The following MTUS2 variants were observed in gnomAD, a reference collection of about 807,000 sequenced individuals.
MTUS2 encodes microtubule associated scaffold protein 2.
In MTUS2, 40 loss-of-function variants were observed where a neutral mutation model predicts 114.1. The ratio of observed to expected loss-of-function variants is 0.35; its 90% CI spans 0.27 to 0.46. MTUS2 has a LOEUF of 0.46. Among genes scored for constraint, MTUS2 ranks in the 20% least tolerant of loss-of-function variants. MTUS2 has a pLI of 1.00. For missense variants in MTUS2, 1,679 were observed against 1,705.4 expected (o/e 0.98, Z 0.27); for synonymous variants, 688 against 672.0 (o/e 1.02, Z -0.37).
chr13:29,343,840 A>C (rs183962404), intron 7 of MTUS2, among the ~76,000 whole-genome samples: 1 of 152,046 alleles, frequency 6.6e-6, no homozygotes, highest in African/African-American at 2.4e-5. Context: ...CAAAGGTTTT[A>C]ATAAGTTGTA....
chr13:29,450,555 C>T (rs939243468), intron 9 of MTUS2, among the ~76,000 whole-genome samples: 8 of 152,076 alleles, frequency 5.3e-5, no homozygotes, highest in Admixed American at 2.0e-4. Context: ...GAAAAAATAA[C>T]GAACCTTGGG....
intron 1 of MTUS2, among the ~76,000 whole-genome samples, chr13:28,834,784 T>C (rs1399327476): frequency 6.6e-6 from 1 of 152,128 alleles, no homozygotes; most frequent in Non-Finnish European, 1.5e-5. Flanking sequence ...CTAATAAGGA[T>C]CTTGTATCCA....
chr13:29,483,781 G>T (rs1052495915), intron 10 of MTUS2: 1 of 152,222 alleles, frequency 6.6e-6, no homozygotes, highest in African/African-American at 2.4e-5. Flanking sequence ...CTCTCCTTCT[G>T]TAGCAAGCTG....
At position 29,157,355 on chromosome 13, in the gene MTUS2, C is replaced by A. The variant is rs941407434; in HGVS notation, c.2644+56385C>A. Among the ~76,000 whole-genome samples the A allele has an allele frequency of 8.5e-5, 13 of 152,214 alleles. 1 individual carries two copies. The highest frequency in any genetic ancestry group is 6.5e-4 in the Admixed American group (10 of 15,278). On this transcript the variant is annotated intron_variant, in intron 5 of 15. Transcript: ENST00000612955. ...GTGTGTAAGAGTCCCCAATTCTCCA[C>A]ATACTCACCAGCCCTTGGTGTTTTT... is the stretch of plus-strand genomic sequence containing the variant.
intron 5 of MTUS2, among the ~76,000 whole-genome samples, chr13:29,180,876 C>G (rs1335853450): frequency 6.6e-6 from 1 of 152,172 alleles, no homozygotes; most frequent in African/African-American, 2.4e-5. Context: ...TAATTTTCCA[C>G]AAATTGTATT....
chr13:28,890,105 C>T (rs938470468), intron 2 of MTUS2, among the ~76,000 whole-genome samples: 3 of 152,118 alleles, frequency 2.0e-5, no homozygotes, highest in Non-Finnish European at 2.9e-5. Flanking sequence ...TGTAGCTTCA[C>T]TTGTGATGGT....
intron 2 of MTUS2, among the ~76,000 whole-genome samples, chr13:28,987,024 AATT>A (rs754935990): frequency 5.9e-5 from 9 of 152,174 alleles, no homozygotes; most frequent in Admixed American, 2.0e-4. Context: ...TTGGAGTGGG[AATT>A]ATTATCCCCA....
In MTUS2 at chr13:29,100,721, A is replaced by T. The variant is rs1209865529; in HGVS notation, c.2447-52A>T. 3.3e-6 allele frequency: 5 copies of T among 1,520,134 alleles called. No homozygotes were observed. The East Asian group carries it at 1.2e-4, about 37-fold the overall frequency. The allele number at this position is 1,520,134 out of a possible 1,614,324, so 94.2% of individuals were successfully genotyped here. A position where few individuals can be genotyped will look rare whatever the true frequency, so the allele number is the denominator to read the frequency against. ...GAATTCATAATCTGTAGAATTCATT[A>T]TCTCATTATGAACTGAGAATAATTT... On this transcript the variant is annotated intron_variant, in intron 4 of 15. Coordinates refer to ENST00000612955, the MANE Select transcript of MTUS2 (RefSeq NM_001033602.4).
chr13:29,029,071 C>A (rs1381784460), intron 3 of MTUS2, among the ~76,000 whole-genome samples: 1 of 152,214 alleles, frequency 6.6e-6, no homozygotes, highest in African/African-American at 2.4e-5. Context: ...TGACGAGGTG[C>A]CCCAACAAGC....
At chr13:28,913,873 A>G (rs2138024168) in intron 2 of MTUS2, among the ~76,000 whole-genome samples, 1 of 151,750 alleles carries the variant, frequency 6.6e-6, no homozygotes, top group African/African-American at 2.4e-5. Context: ...AAATTTATCC[A>G]TTTCTTCTGG....
intron 6 of MTUS2, among the ~76,000 whole-genome samples, chr13:29,320,480 A>C (rs1900207717): frequency 6.6e-6 from 1 of 152,188 alleles, no homozygotes; most frequent in African/African-American, 2.4e-5. Flanking sequence ...ATTGAAGATG[A>C]CCTGGAGTAG....
At chr13:28,881,633 A>G (rs552184655) in intron 2 of MTUS2, among the ~76,000 whole-genome samples, 6 of 152,072 alleles carry the variant, frequency 3.9e-5, no homozygotes, top group Admixed American at 2.6e-4. Flanking sequence ...ATCCTTCAAT[A>G]TCTGCTGTTT....
intron 8 of MTUS2, among the ~76,000 whole-genome samples, chr13:29,428,114 A>C (rs1244927739): frequency 2.0e-5 from 3 of 152,240 alleles, no homozygotes; most frequent in African/African-American, 7.2e-5. Context: ...GCGACTTCAC[A>C]GTTATATTTT....
chr13:29,492,585 AG>A, intron 11 of MTUS2, 60 bp from the exon 12 acceptor site: 1 of 1,387,812 alleles, frequency 7.2e-7, no homozygotes, highest in Non-Finnish European at 1.0e-6. Context: ...CTGCCAAAAG[AG>A]CCTTGTTTTA....
At chr13:29,183,140 G>A (rs1034123237) in intron 5 of MTUS2, among the ~76,000 whole-genome samples, 1 of 152,228 alleles carries the variant, frequency 6.6e-6, no homozygotes, top group Non-Finnish European at 1.5e-5. Flanking sequence ...TAGGCAAGAT[G>A]TGAGGATGAA....
At chr13:29,005,936 C>A (rs955670920) in intron 2 of MTUS2, among the ~76,000 whole-genome samples, 1 of 152,212 alleles carries the variant, frequency 6.6e-6, no homozygotes, top group African/African-American at 2.4e-5. Flanking sequence ...CATGTTCTGG[C>A]AGATGGCCCA....
chr13:29,291,742 T>C (rs1036942981), intron 6 of MTUS2, among the ~76,000 whole-genome samples: 5 of 152,194 alleles, frequency 3.3e-5, no homozygotes, highest in Admixed American at 3.3e-4. Flanking sequence ...GGCCTTCATT[T>C]TGTTTCCCAG....
chr13:28,998,536 C>T (rs143910844), intron 2 of MTUS2, among the ~76,000 whole-genome samples: 2,719 of 152,296 alleles, frequency 0.018, 82 homozygotes, highest in African/African-American at 0.061. Flanking sequence ...ACCAGTCAGA[C>T]GCAGATTTGG....
intron 5 of MTUS2, among the ~76,000 whole-genome samples, chr13:29,221,287 C>G (rs554977136): frequency 2.6e-5 from 4 of 152,340 alleles, no homozygotes; most frequent in South Asian, 2.1e-4. Flanking sequence ...ATTGTTCTTA[C>G]CTTATGTTAA....
Sources: allele counts gnomAD v4.1 joint callset (sites outside exome capture counted in the v4.1 genomes callset), GRCh38; gene constraint gnomAD v4.1.1; transcripts MANE v1.5; gene names NCBI Gene and HGNC (gene_info 2026-07-23, HGNC 2026-07-21).